The following IPO8 variants were observed in gnomAD, a reference collection of about 807,000 sequenced individuals.
The protein encoded by IPO8 is importin 8.
Under a neutral mutation model 141.2 loss-of-function variants are expected in IPO8, and 65 were observed. The ratio of observed to expected loss-of-function variants is 0.46; its 90% CI spans 0.38 to 0.57. The LOEUF (loss-of-function observed/expected upper bound fraction) is 0.57, where lower values mean the gene tolerates loss of function less well. Ranked by LOEUF, IPO8 falls within the 20% of genes least tolerant of loss-of-function variation. The pLI is 0.00. For synonymous variants in IPO8, 411 were observed against 420.3 expected (o/e 0.98, Z 0.27); for missense variants, 980 against 1,246.8 (o/e 0.79, Z 3.22).
chr12:30,663,705 GTAA>G (rs777066485), intron 13 of IPO8, 51 bp from the exon 14 acceptor site: 5 of 1,341,322 alleles, frequency 3.7e-6, no homozygotes, highest in Non-Finnish European at 5.0e-6. Context: ...ATAGCATTCT[GTAA>G]TAATATCACA....
intron 20 of IPO8, among the ~76,000 whole-genome samples, chr12:30,642,058 T>C (rs1448565208): frequency 6.6e-6 from 1 of 151,776 alleles, no homozygotes; most frequent in Non-Finnish European, 1.5e-5. Context: ...TAGCCGGGCG[T>C]GGTGGCAGTT....
At chr12:30,673,913 A>T in intron 8 of IPO8, 77 bp downstream of exon 8, 1 of 811,130 alleles carries the variant, frequency 1.2e-6, no homozygotes, top group East Asian at 2.5e-5. Flanking sequence ...TATGTTTGTA[A>T]CCTACTTCCA....
At chr12:30,665,197 T>C in intron 13 of IPO8, 23 bp downstream of exon 13, 1 of 1,231,074 alleles carries the variant, frequency 8.1e-7, no homozygotes, top group African/African-American at 1.5e-5. Flanking sequence ...TTAAGATACA[T>C]AACAGAAATA....
chr12:30,631,498 A>T (rs2052431771), intron 24 of IPO8: 1 of 167,788 alleles, frequency 6.0e-6, no homozygotes, highest in Admixed American at 5.8e-5. Context: ...AATGAGAAAT[A>T]GAGAGCATTC....
At chr12:30,688,232 TATC>T (rs1413939745) in intron 2 of IPO8, 2 of 247,742 alleles carry the variant, frequency 8.1e-6, no homozygotes, top group Admixed American at 1.1e-4. Context: ...CTATTATGCT[TATC>T]AACACCTCAA....
Position 30,652,998 on chromosome 12 carries a change from C to T in IPO8, c.2043G>A (p.Val681=). The change falls in exon 18 of 25, where the codon GTG becomes GTA. Residue 681 remains valine, a synonymous_variant. Coordinates refer to ENST00000256079, the MANE Select transcript of IPO8 (RefSeq NM_006390.4). ...MWQLLGILYE[V]FQQDCFEYFT... ...AGTATTCAAAGCAATCCTGCTGAAA[C>T]ACTTCATATAGTATACCTAGAAGCT... 1 of 1,611,312 alleles carries T rather than the reference C, an allele frequency of 6.2e-7. No homozygotes were observed. Among genetic ancestry groups the T allele is most frequent in the Non-Finnish European group, 8.5e-7 (1 of 1,178,590 alleles).
At chr12:30,646,120 T>C (rs1233798957) in intron 20 of IPO8, among the ~76,000 whole-genome samples, 1 of 152,158 alleles carries the variant, frequency 6.6e-6, no homozygotes, top group Non-Finnish European at 1.5e-5. Flanking sequence ...TTTTAAAAAC[T>C]ACCAGGAAAT....
At position 30,677,280 on chromosome 12, in the gene IPO8, T is replaced by TA. The variant is rs1199314849; in HGVS notation, c.640-694dup. 1.0e-5 allele frequency: 4 copies of TA among 382,464 alleles called. No individual in the cohort carries two copies. In the East Asian group the frequency reaches 2.8e-4, roughly 27 times the overall value. 23.7% of individuals were successfully genotyped at this position (382,464 alleles called of 1,614,324 possible). ...GATTAGAACACAGCTGAAAGATTCT[T>TA]ATCGCCTAGTGACATAGTAACCATC... On this transcript the variant is annotated intron_variant, in intron 5 of 24. Transcript: ENST00000256079.
chr12:30,670,832 T>A, intron 9 of IPO8, 130 bp downstream of exon 9: 1 of 665,204 alleles, frequency 1.5e-6, no homozygotes, highest in South Asian at 3.6e-5. Context: ...AGGACTTCAC[T>A]CATTAGAAAT....
At position 30,645,809 on chromosome 12, in the gene IPO8, C is replaced by CA. The variant is rs151250518; in HGVS notation, c.2268+3327_2268+3328insT. Among the ~76,000 whole-genome samples the CA allele has an allele frequency of 4.4e-3, 669 of 152,114 alleles. 5 individuals are homozygous for CA. The highest frequency in any genetic ancestry group is 0.015 in the African/African-American group (620 of 41,496). On this transcript the variant is annotated intron_variant, in intron 20 of 24. Coordinates refer to ENST00000256079, the MANE Select transcript of IPO8 (RefSeq NM_006390.4). ...AAATGAATTTAAAAAGAAATGTAAACTACGAATAAATCTATAACAAATAAA... is the reference window on the plus strand; with the variant it reads ...AAATGAATTTAAAAAGAAATGTAAACATACGAATAAATCTATAACAAATAAA...
At chr12:30,677,436 C>G (rs2053136682) in intron 5 of IPO8, among the ~76,000 whole-genome samples, 1 of 152,214 alleles carries the variant, frequency 6.6e-6, no homozygotes, top group Non-Finnish European at 1.5e-5. Flanking sequence ...AACTATGCTA[C>G]TAGTTTATAT....
chr12:30,633,936 T>C (rs2052467057), intron 23 of IPO8, 147 bp downstream of exon 23: 1 of 624,920 alleles, frequency 1.6e-6, no homozygotes, highest in African/African-American at 1.8e-5. Context: ...TTCATGTATG[T>C]ATGTTTGGGG....
chr12:30,637,016 A>G lies in IPO8; in HGVS notation c.2661T>C (p.Arg887=). Residue 887 remains arginine, a synonymous_variant, in exon 22 of 25, where the codon CGT becomes CGC. Transcript: ENST00000256079. ...ATRQLVNRED[R]SKAEKADMEE... Reference sequence around the variant, plus strand: ...CCATATCAGCTTTCTCTGCTTTTGAACGATCTTCCCGGTTTACCAGTTGTC... The same window carrying G: ...CCATATCAGCTTTCTCTGCTTTTGAGCGATCTTCCCGGTTTACCAGTTGTC... 1 of 1,614,080 alleles carries G rather than the reference A, an allele frequency of 6.2e-7. No individual in the cohort carries two copies. Among genetic ancestry groups the G allele is most frequent in the South Asian group, 1.1e-5 (1 of 91,078 alleles).
chr12:30,675,105 C>T (rs1006733698), intron 6 of IPO8, among the ~76,000 whole-genome samples: 6 of 152,168 alleles, frequency 3.9e-5, no homozygotes, highest in Non-Finnish European at 8.8e-5. Flanking sequence ...CTGAACTAGT[C>T]ATTAAGTTCT....
In IPO8 at chr12:30,695,746, AT is replaced by A; in HGVS notation, c.-100del. 9.1e-7 allele frequency: 1 copy of A among 1,094,452 alleles called. No homozygotes were observed. The highest frequency in any genetic ancestry group is 1.3e-6 in the Non-Finnish European group (1 of 751,370). 67.8% of individuals were successfully genotyped at this position (1,094,452 alleles called of 1,614,324 possible). A position where few individuals can be genotyped will look rare whatever the true frequency, so the allele number is the denominator to read the frequency against. On this transcript the variant is annotated 5_prime_UTR_variant, in exon 1 of 25. The change abolishes the stop of an existing upstream ORF in the 5' untranslated region. Transcript: ENST00000256079. The surrounding 1 kb of genome is among the most constrained non-coding windows in gnomAD (Gnocchi z 4.2). Reference sequence around the variant, plus strand: ...CAGCCTCCTCTTCCGCGACCCCTGGATTACCTCACACCCCACCCCCCGCCAC... The same window carrying A: ...CAGCCTCCTCTTCCGCGACCCCTGGATACCTCACACCCCACCCCCCGCCAC...
rs979839938 is a variant in IPO8, at chr12:30,662,353, T to C, written c.1729A>G (p.Ile577Val). Reference sequence around the variant, plus strand: ...AAGTGTTGGGTCATATCAACAGCAATTGAGGCTACCTCTTGACTGTATTCA... The same window carrying C: ...AAGTGTTGGGTCATATCAACAGCAACTGAGGCTACCTCTTGACTGTATTCA... ...ICEYSQEVASIAVDMTQHLAE... is the reference protein window; with the variant it reads ...ICEYSQEVASVAVDMTQHLAE... The change falls in exon 15 of 25, where the codon ATT becomes GTT. Residue 577 changes from isoleucine (I) to valine (V), a missense_variant. This residue lies in a region of IPO8 where 924 missense variants were observed against 1,153.9 expected (regional missense o/e 0.80). Coordinates refer to ENST00000256079, the MANE Select transcript of IPO8 (RefSeq NM_006390.4). The C allele has an allele frequency of 1.1e-5, 17 of 1,613,834 alleles. No individual in the cohort carries two copies. The highest frequency in any genetic ancestry group is 1.3e-5 in the Non-Finnish European group (15 of 1,179,898).
Position 30,695,575 on chromosome 12 carries a change from C to G in IPO8, c.73G>C (p.Glu25Gln). Residue 25 changes from glutamate (E) to glutamine (Q), a missense_variant, in exon 1 of 25, where the codon GAG becomes CAG. This residue lies in a region of IPO8 where 40 missense variants were observed against 46.3 expected (regional missense o/e 0.86). Transcript: ENST00000256079. This position sits in a 1 kb window ranked among gnomAD's most constrained non-coding sequence, Gnocchi z 4.2. Reference sequence around the variant, plus strand: ...GACCCTCTCCTCACCTGGTTGAGCTCGTTCTCGGCTGCAATCCGCAACTTC... The same window carrying G: ...GACCCTCTCCTCACCTGGTTGAGCTGGTTCTCGGCTGCAATCCGCAACTTC... ...DPKLRIAAEN[E>Q]LNQSYKIINF... is the part of the protein sequence containing the mutation. 6.2e-7 allele frequency: 1 copy of G among 1,613,988 alleles called. No homozygotes were observed. The highest frequency in any genetic ancestry group is 8.5e-7 in the Non-Finnish European group (1 of 1,179,898).
chr12:30,642,137 A>C (rs2052583010), intron 20 of IPO8, among the ~76,000 whole-genome samples: 1 of 152,100 alleles, frequency 6.6e-6, no homozygotes, highest in Non-Finnish European at 1.5e-5. Context: ...TGGAGGTTGC[A>C]GTGAGCCGAG....
At chr12:30,651,003 T>C (rs988916602) in intron 19 of IPO8, among the ~76,000 whole-genome samples, 2 of 152,110 alleles carry the variant, frequency 1.3e-5, no homozygotes, top group African/African-American at 4.8e-5. Context: ...TTAAAACTAG[T>C]ATTTCATATT....
Sources: allele counts gnomAD v4.1 joint callset (sites outside exome capture counted in the v4.1 genomes callset), GRCh38; gene constraint gnomAD v4.1.1; regional missense constraint gnomAD v4.1.1; non-coding constraint Gnocchi (gnomAD v3.1); transcripts MANE v1.5; gene names NCBI Gene and HGNC (gene_info 2026-07-23, HGNC 2026-07-21).